Variants in ABI2 observed in about 807,000 individuals in gnomAD.
ABI2 encodes the protein abl interactor 2.
In ABI2, 25 loss-of-function variants were observed where a neutral mutation model predicts 59.2. That is an observed-to-expected ratio of 0.42 (90% CI 0.31 to 0.59). The LOEUF (loss-of-function observed/expected upper bound fraction) is 0.59, where lower values mean the gene tolerates loss of function less well. ABI2 is among the 20% of genes least tolerant of loss of function. The pLI is 0.14. For synonymous variants in ABI2, 213 were observed against 235.5 expected, an observed-to-expected ratio of 0.90 and a Z score of 0.87; for missense variants, 545 against 681.8, an observed-to-expected ratio of 0.80 and a Z score of 2.23.
In ABI2 at chr2:203,402,655, T is replaced by C; in HGVS notation, c.1113T>C (p.Tyr371=). The C allele has an allele frequency of 1.2e-6, 2 of 1,607,266 alleles. No individual in the cohort carries two copies. Among genetic ancestry groups the C allele is most frequent in the Non-Finnish European group, 1.7e-6 (2 of 1,177,718 alleles). The change falls in exon 9 of 12, where the codon TAT becomes TAC. Residue 371 remains tyrosine (Y), a synonymous_variant. Coordinates refer to ENST00000261018, the MANE Select transcript of ABI2 (RefSeq NM_001375670.1). ...TPPTIGGSLP[Y]RRPPSITSQT... is the part of the protein sequence containing the mutation. ...CAACAATAGGGGGCTCGTTGCCCTA[T>C]AGACGCCCTCCTTCCATTACTTCAC...
intron 1 of ABI2, among the ~76,000 whole-genome samples, chr2:203,364,384 G>A (rs1002254120): frequency 3.3e-5 from 5 of 152,104 alleles, no homozygotes; most frequent in Non-Finnish European, 7.4e-5. Context: ...GTGAGCCACT[G>A]TGGCTGGCAG....
At chr2:203,375,848 A>G in intron 2 of ABI2, 1 of 365,890 alleles carries the variant, frequency 2.7e-6, no homozygotes, top group East Asian at 4.2e-5. Flanking sequence ...TTTATGAAAT[A>G]GATTTAGTGC....
chr2:203,347,508 A>G (rs1198659861), intron 1 of ABI2, among the ~76,000 whole-genome samples: 1 of 152,240 alleles, frequency 6.6e-6, no homozygotes, highest in Non-Finnish European at 1.5e-5. Context: ...CCACCCAAGG[A>G]AAATGTGCAG....
chr2:203,431,365 C>G lies in ABI2; in HGVS notation c.*4013C>G, dbSNP rs1250164319. The G allele has an allele frequency of 6.6e-6, 1 of 152,498 alleles. No individual in the cohort carries two copies. The highest frequency in any genetic ancestry group is 1.5e-5 in the Non-Finnish European group (1 of 68,022). 9.4% of individuals were successfully genotyped at this position (152,498 alleles called of 1,614,324 possible). On this transcript the variant is annotated 3_prime_UTR_variant, in exon 12 of 12. Coordinates refer to ENST00000261018, the MANE Select transcript of ABI2 (RefSeq NM_001375670.1). ...TATTTTTCTTTAAAAGTTAAGAGTT[C>G]TATTTGGTGTTTTCAGGAATATACG...
Position 203,383,456 on chromosome 2 carries a change from G to A in ABI2, c.480+1250G>A, listed in dbSNP as rs564360351. Among the ~76,000 whole-genome samples, 6 of 152,286 alleles carry A rather than the reference G, an allele frequency of 3.9e-5. No individual in the cohort carries two copies. In the South Asian group the frequency reaches 6.2e-4, roughly 16 times the overall value. On this transcript the variant is annotated intron_variant, in intron 4 of 11. Coordinates refer to ENST00000261018, the MANE Select transcript of ABI2 (RefSeq NM_001375670.1). ...CTGTATTCAAATTTTGACCATTGAT[G>A]TGTTAACCTCCAAAGTGATAGAAAT...
chr2:203,389,274 T>C (rs1240458470), intron 4 of ABI2, among the ~76,000 whole-genome samples: 1 of 152,204 alleles, frequency 6.6e-6, no homozygotes, highest in Non-Finnish European at 1.5e-5. Context: ...TTTTATTGTT[T>C]AAAAGCAACA....
At chr2:203,406,978 G>A (rs1408551117) in intron 9 of ABI2, among the ~76,000 whole-genome samples, 3 of 152,146 alleles carry the variant, frequency 2.0e-5, no homozygotes, top group Non-Finnish European at 2.9e-5. Context: ...CAAGGTGGTC[G>A]AAATTAATTC....
intron 11 of ABI2, among the ~76,000 whole-genome samples, chr2:203,426,344 G>A (rs551457845): frequency 6.6e-6 from 1 of 152,166 alleles, no homozygotes; most frequent in Non-Finnish European, 1.5e-5. Flanking sequence ...GATGTTACAG[G>A]GCATCCCAGT....
At chr2:203,421,427 A>G (rs1477286978) in intron 11 of ABI2, among the ~76,000 whole-genome samples, 1 of 152,214 alleles carries the variant, frequency 6.6e-6, no homozygotes, top group Admixed American at 6.5e-5. Flanking sequence ...TTTTGTTGAA[A>G]GCAAAGGAAT....
At chr2:203,371,346 A>G (rs1457418987) in intron 2 of ABI2, among the ~76,000 whole-genome samples, 2 of 152,248 alleles carry the variant, frequency 1.3e-5, no homozygotes, top group Admixed American at 6.5e-5. Context: ...TCAACAAAAC[A>G]AAGTAATAAC....
At chr2:203,345,770 T>G (rs544263287) in intron 1 of ABI2, among the ~76,000 whole-genome samples, 2 of 151,948 alleles carry the variant, frequency 1.3e-5, no homozygotes, top group Non-Finnish European at 2.9e-5. Context: ...GGTTTCAAAC[T>G]CCTGACCTCA....
intron 1 of ABI2, among the ~76,000 whole-genome samples, chr2:203,330,502 G>A (rs2072516885): frequency 6.6e-6 from 1 of 152,082 alleles, no homozygotes; most frequent in South Asian, 2.1e-4. Flanking sequence ...AGTAGGAGAG[G>A]CTGATCTTGG....
At chr2:203,354,048 TATTTA>T (rs2090532960) in intron 1 of ABI2, among the ~76,000 whole-genome samples, 1 of 152,102 alleles carries the variant, frequency 6.6e-6, no homozygotes, top group Non-Finnish European at 1.5e-5. Flanking sequence ...AGATTTTATT[TATTTA>T]TTTATTTTTG....
rs187958751 is a variant in ABI2, at chr2:203,348,757, C to T, written c.118-18120C>T. On this transcript the variant is annotated intron_variant, in intron 1 of 11. Transcript: ENST00000261018. ...TTTTCTTCCTCCCATCACGTATGTA[C>T]AGCCGCCTCCATTATTAATATCTGT... 3.0e-3 allele frequency among the ~76,000 whole-genome samples: 452 copies of T among 152,222 alleles called. 3 individuals carry two copies. The highest frequency in any genetic ancestry group is 0.01 in the African/African-American group (421 of 41,528).
intron 10 of ABI2, among the ~76,000 whole-genome samples, chr2:203,414,168 C>T (rs567072345): frequency 2.1e-5 from 3 of 144,784 alleles, no homozygotes; most frequent in African/African-American, 7.7e-5. Flanking sequence ...GTGGTGCAAT[C>T]TTGGCTCTCT....
chr2:203,400,040 C>T (rs534187012), intron 8 of ABI2, among the ~76,000 whole-genome samples: 7 of 149,416 alleles, frequency 4.7e-5, no homozygotes, highest in African/African-American at 1.7e-4. Flanking sequence ...TTTTAAAACC[C>T]CAAATGGTAA....
In ABI2 at chr2:203,396,983, T is replaced by C. The variant is rs775422347; in HGVS notation, c.1033+16T>C. 21 of 1,415,306 alleles carry C rather than the reference T, an allele frequency of 1.5e-5. No individual in the cohort carries two copies. In the East Asian group the frequency reaches 2.2e-4, roughly 15 times the overall value. The allele number at this position is 1,415,306 out of a possible 1,614,324, so 87.7% of individuals were successfully genotyped here. A position where few individuals can be genotyped will look rare whatever the true frequency, so the allele number is the denominator to read the frequency against. ...CCCCCTACAGGTAAGTATTTGCTTA[T>C]TCATTGGCAGGCAGATGCAGTCATC... is the stretch of plus-strand genomic sequence containing the variant. On this transcript the variant is annotated intron_variant, in intron 8 of 11. Transcript: ENST00000261018.
chr2:203,342,087 A>G (rs1354749909), intron 1 of ABI2: 1 of 377,510 alleles, frequency 2.6e-6, no homozygotes, highest in Admixed American at 3.4e-5. Context: ...TTTGCCTGTT[A>G]TGTCCTCATT....
intron 2 of ABI2, among the ~76,000 whole-genome samples, chr2:203,374,144 G>A (rs1337018993): frequency 6.6e-6 from 1 of 152,100 alleles, no homozygotes; most frequent in South Asian, 2.1e-4. Flanking sequence ...GGGCAACAGA[G>A]TGAGACACTG....
Sources: gnomAD v4.1 joint callset for allele counts (sites outside exome capture counted in the v4.1 genomes callset) on GRCh38, gnomAD v4.1.1 for gene constraint, MANE v1.5 for transcripts, NCBI Gene and HGNC (gene_info 2026-07-23, HGNC 2026-07-21) for gene names.